Variants in MFSD6 observed in about 807,000 individuals in gnomAD.
MFSD6 encodes the protein major facilitator superfamily domain containing 6.
In MFSD6, 26 loss-of-function variants were observed where a neutral mutation model predicts 56.3. The observed-to-expected ratio is 0.46, with a 90% CI of 0.34 to 0.64. MFSD6 has a LOEUF of 0.64. Among genes scored for constraint, MFSD6 ranks in the 30% least tolerant of loss-of-function variants. The pLI is 0.01. For synonymous variants in MFSD6, 331 were observed against 366.9 expected (o/e 0.90, Z 1.12); for missense variants, 750 against 986.2 (o/e 0.76, Z 3.21).
At chr2:190,493,426 A>G (rs1439745905) in intron 6 of MFSD6, among the ~76,000 whole-genome samples, 1 of 152,322 alleles carries the variant, frequency 6.6e-6, no homozygotes, top group Middle Eastern at 3.4e-3. Context: ...CAGCAACACA[A>G]TAATAGTGGG....
rs1292557555 is a variant in MFSD6, at chr2:190,447,824, T to C, written c.1532+10263T>C. Among the ~76,000 whole-genome samples, 1 of 152,204 alleles carries C rather than the reference T, an allele frequency of 6.6e-6. No individual in the cohort carries two copies. The highest frequency in any genetic ancestry group is 1.5e-5 in the Non-Finnish European group (1 of 68,024). ...AATTGAAGAATTTATGATCAGGAAT[T>C]GAAAGATAATCATTTGGTTTTTATC... is the stretch of plus-strand genomic sequence containing the variant. On this transcript the variant is annotated intron_variant, in intron 3 of 7. Coordinates refer to ENST00000392328, the MANE Select transcript of MFSD6 (RefSeq NM_017694.4). This position sits in a 1 kb window ranked among gnomAD's most constrained non-coding sequence, Gnocchi z 4.5.
rs1260618815 is a variant in MFSD6 at position 190,490,452 on chromosome 2, A to C, written c.1891+586A>C. On this transcript the variant is annotated intron_variant, in intron 6 of 7. Coordinates refer to ENST00000392328, the MANE Select transcript of MFSD6 (RefSeq NM_017694.4). The surrounding 1 kb of genome is among the most constrained non-coding windows in gnomAD (Gnocchi z 4.5). ...GTGGTGGGCGCCTGTAATCCCAGCTACTCAGGAGGCTGAGGCAGGAGAATG... is the reference window on the plus strand; with the variant it reads ...GTGGTGGGCGCCTGTAATCCCAGCTCCTCAGGAGGCTGAGGCAGGAGAATG... Among the ~76,000 whole-genome samples, 1 of 151,882 alleles carries C rather than the reference A, an allele frequency of 6.6e-6. No individual in the cohort carries two copies. The highest frequency in any genetic ancestry group is 2.4e-5 in the African/African-American group (1 of 41,356).
chr2:190,487,261 A>T lies in MFSD6; in HGVS notation c.1631-1396A>T, dbSNP rs2125229887. On this transcript the variant is annotated intron_variant, in intron 4 of 7. Transcript: ENST00000392328. This position sits in a 1 kb window ranked among gnomAD's most constrained non-coding sequence, Gnocchi z 5.5. The stretch of plus-strand genomic sequence containing the variant: ...GAGGCTGAAGCAGGAGGATCGCTTG[A>T]ACCCAGGAAGCAGAGGTTGCAGTGA... 6.6e-6 allele frequency among the ~76,000 whole-genome samples: 1 copy of T among 152,304 alleles called. No homozygotes were observed. The highest frequency in any genetic ancestry group is 1.9e-4 in the East Asian group (1 of 5,188).
At position 190,423,575 on chromosome 2, in the gene MFSD6, T is replaced by C. The variant is rs1685700198; in HGVS notation, c.-54+8162T>C. 6.6e-6 allele frequency among the ~76,000 whole-genome samples: 1 copy of C among 152,246 alleles called. No homozygotes were observed. On this transcript the variant is annotated intron_variant, in intron 2 of 7. Transcript: ENST00000392328. This position sits in a 1 kb window ranked among gnomAD's most constrained non-coding sequence, Gnocchi z 4.3. Reference sequence around the variant, plus strand: ...TTGGGTTGTCTCCACTTTTTGGCTATTATGAAGAAAGCTGCTATAAACATT... The same window carrying C: ...TTGGGTTGTCTCCACTTTTTGGCTACTATGAAGAAAGCTGCTATAAACATT...
intron 1 of MFSD6, chr2:190,411,161 G>GTTTT (rs374442207): frequency 9.4e-5 from 72 of 768,524 alleles, no homozygotes; most frequent in Middle Eastern, 7.0e-4. Context: ...GTTGACAGTA[G>GTTTT]TTTTTTTTTT....
In MFSD6 at chr2:190,498,877, T is replaced by C. The variant is rs1029721302; in HGVS notation, c.2173-1138T>C. 1.3e-5 allele frequency among the ~76,000 whole-genome samples: 2 copies of C among 152,118 alleles called. No homozygotes were observed. The highest frequency in any genetic ancestry group is 2.4e-5 in the African/African-American group (1 of 41,428). ...AATAAATTTTTTTCTGGGCTGGGCATGGTGGCTTATGCCTGTAATCCAAGC... is the reference window on the plus strand; with the variant it reads ...AATAAATTTTTTTCTGGGCTGGGCACGGTGGCTTATGCCTGTAATCCAAGC... On this transcript the variant is annotated intron_variant, in intron 7 of 7. Coordinates refer to ENST00000392328, the MANE Select transcript of MFSD6 (RefSeq NM_017694.4). This position sits in a 1 kb window ranked among gnomAD's most constrained non-coding sequence, Gnocchi z 5.9.
intron 4 of MFSD6, among the ~76,000 whole-genome samples, chr2:190,479,186 A>G (rs1322768932): frequency 6.6e-6 from 1 of 152,224 alleles, no homozygotes. Context: ...AGGTAAGACT[A>G]CTGGATGCTG....
In MFSD6 at chr2:190,495,199, A is replaced by AC. The variant is rs35972241; in HGVS notation, c.1892-2238dup. Reference sequence around the variant, plus strand: ...ACACAAATCAGTAGCTCTGCTGTACACCAACAGTGACCAAGATGAGAATCA... The same window carrying AC: ...ACACAAATCAGTAGCTCTGCTGTACACCCAACAGTGACCAAGATGAGAATCA... On this transcript the variant is annotated intron_variant, in intron 6 of 7. Coordinates refer to ENST00000392328, the MANE Select transcript of MFSD6 (RefSeq NM_017694.4). This position sits in a 1 kb window ranked among gnomAD's most constrained non-coding sequence, Gnocchi z 4.7. 0.2 allele frequency among the ~76,000 whole-genome samples: 30,254 copies of AC among 152,132 alleles called. 3,894 individuals carry two copies. Among genetic ancestry groups the AC allele is most frequent in the Admixed American group, 0.4 (6,173 of 15,280 alleles).
At position 190,457,958 on chromosome 2, in the gene MFSD6, A is replaced by T. The variant is rs931135963; in HGVS notation, c.1533-11800A>T. ...CAAATAGCAATTCATGAAATAAAGT[A>T]AATGAGTAAATATGGTCAGATTAGG... On this transcript the variant is annotated intron_variant, in intron 3 of 7. Coordinates refer to ENST00000392328, the MANE Select transcript of MFSD6 (RefSeq NM_017694.4). The surrounding 1 kb of genome is among the most constrained non-coding windows in gnomAD (Gnocchi z 5.1). Among the ~76,000 whole-genome samples the T allele has an allele frequency of 6.6e-6, 1 of 152,222 alleles. No homozygotes were observed. Among genetic ancestry groups the T allele is most frequent in the Non-Finnish European group, 1.5e-5 (1 of 68,028 alleles).
chr2:190,435,640 AGTGTTTATTTTCAACTCTCT>A (rs1686152266), intron 2 of MFSD6, among the ~76,000 whole-genome samples: 1 of 46,062 alleles, frequency 2.2e-5, no homozygotes. Flanking sequence ...AACTATAAAC[AGTGTTTATTTTCAACTCTCT>A]GTGTTTGGTT....
rs1045970299 is a variant in MFSD6, at chr2:190,471,254, G to A, written c.1630+1399G>A. ...GTCAGGCAGTGGGTGCAGGATAGTG[G>A]GTGCAGCGCGGTGAGCGTGAGCTGA... On this transcript the variant is annotated intron_variant, in intron 4 of 7. Coordinates refer to ENST00000392328, the MANE Select transcript of MFSD6 (RefSeq NM_017694.4). This position sits in a 1 kb window ranked among gnomAD's most constrained non-coding sequence, Gnocchi z 4.7. Among the ~76,000 whole-genome samples the A allele has an allele frequency of 2.6e-5, 4 of 152,170 alleles. No homozygotes were observed. Among genetic ancestry groups the A allele is most frequent in the South Asian group, 4.1e-4 (2 of 4,824 alleles).
At chr2:190,493,433 T>C (rs180691000) in intron 6 of MFSD6, among the ~76,000 whole-genome samples, 2 of 152,244 alleles carry the variant, frequency 1.3e-5, no homozygotes, top group African/African-American at 4.8e-5. Flanking sequence ...ACAATAATAG[T>C]GGGAGACGTC....
At chr2:190,484,411 A>G (rs1456027120) in intron 4 of MFSD6, among the ~76,000 whole-genome samples, 1 of 152,238 alleles carries the variant, frequency 6.6e-6, no homozygotes, top group Admixed American at 6.5e-5. Context: ...AAGAAAGTAG[A>G]AGCATTTTCT....
At chr2:190,429,583 A>G (rs12693575) in intron 2 of MFSD6, among the ~76,000 whole-genome samples, 68,963 of 151,868 alleles carry the variant, frequency 0.45, 16,075 homozygotes, top group Admixed American at 0.61. Flanking sequence ...CCAAAGTGCT[A>G]GGATTACAGG....
chr2:190,440,119 G>C (rs1686318551), intron 3 of MFSD6, among the ~76,000 whole-genome samples: 1 of 152,150 alleles, frequency 6.6e-6, no homozygotes, highest in South Asian at 2.1e-4. Context: ...TTGTCCTGTT[G>C]GAAGTTTGTT....
chr2:190,490,790 G>C lies in MFSD6; in HGVS notation c.1891+924G>C, dbSNP rs916003367. Among the ~76,000 whole-genome samples, 4 of 152,112 alleles carry C rather than the reference G, an allele frequency of 2.6e-5. No individual in the cohort carries two copies. The highest frequency in any genetic ancestry group is 6.5e-5 in the Admixed American group (1 of 15,272). ...CCCAGAACAGAGCTCATCTTCTTTG[G>C]GTGTCCTATCCTTTGCGGAGCATTA... On this transcript the variant is annotated intron_variant, in intron 6 of 7. Transcript: ENST00000392328. This position sits in a 1 kb window ranked among gnomAD's most constrained non-coding sequence, Gnocchi z 4.5.
intron 4 of MFSD6, chr2:190,477,476 G>C: frequency 5.3e-6 from 3 of 563,272 alleles, no homozygotes; most frequent in Non-Finnish European, 6.7e-6. Context: ...GGAAAAGGAC[G>C]GTTTCCATAA....
rs1256197152 is a variant in MFSD6, at chr2:190,454,938, A to G, written c.1533-14820A>G. Among the ~76,000 whole-genome samples, 10 of 40,702 alleles carry G rather than the reference A, an allele frequency of 2.5e-4. No homozygotes were observed. Among genetic ancestry groups the G allele is most frequent in the South Asian group, 1.0e-3 (1 of 1,000 alleles). The allele number at this position is 40,702 out of a possible 152,430, so 26.7% of individuals were successfully genotyped here. A position where few individuals can be genotyped will look rare whatever the true frequency, so the allele number is the denominator to read the frequency against. ...ATATGTGTTCCTGGTTTCTGTATGT[A>G]TATGTATATGTATATGTATATGTAT... On this transcript the variant is annotated intron_variant, in intron 3 of 7. Transcript: ENST00000392328. The surrounding 1 kb of genome is among the most constrained non-coding windows in gnomAD (Gnocchi z 4.6).
rs1361448823 is a variant in MFSD6, at chr2:190,435,957, T to G, written c.-53-20T>G. 2 of 1,509,762 alleles carry G rather than the reference T, an allele frequency of 1.3e-6. No homozygotes were observed. The highest frequency in any genetic ancestry group is 4.5e-5 in the East Asian group (2 of 43,998). The allele number at this position is 1,509,762 out of a possible 1,614,324, so 93.5% of individuals were successfully genotyped here. On this transcript the variant is annotated intron_variant, in intron 2 of 7. Transcript: ENST00000392328. ...TTATGATTTTCATTACTAAGCCATC[T>G]TTTAAATTTTACTTTACAGATCAAC... is the stretch of plus-strand genomic sequence containing the variant.
Sources: allele counts gnomAD v4.1 joint callset (sites outside exome capture counted in the v4.1 genomes callset), GRCh38; gene constraint gnomAD v4.1.1; non-coding constraint Gnocchi (gnomAD v3.1); transcripts MANE v1.5; gene names NCBI Gene and HGNC (gene_info 2026-07-23, HGNC 2026-07-21).